PCCB: variants seen among roughly 807,000 people sequenced by gnomAD.
PCCB encodes propionyl-CoA carboxylase subunit beta.
Under a neutral mutation model 60.7 loss-of-function variants are expected in PCCB, and 43 were observed. That is an observed-to-expected ratio of 0.71 (90% confidence interval 0.55 to 0.91). The LOEUF is 0.91. PCCB is among the 40% of genes least tolerant of loss of function. PCCB has a pLI of 0.00. For synonymous variants in PCCB, 276 were observed against 255.9 expected, an observed-to-expected ratio of 1.08 and a Z score of -0.75; for missense variants, 766 against 702.8, an observed-to-expected ratio of 1.09 and a Z score of -1.02.
At chr3:136,310,414 T>C (rs1934618149) in intron 9 of PCCB, among the ~76,000 whole-genome samples, 1 of 150,748 alleles carries the variant, frequency 6.6e-6, no homozygotes, top group Admixed American at 6.6e-5. Context: ...TCCCAGCTAC[T>C]GGGGAGGCCA....
Position 136,327,685 on chromosome 3 carries a change from A to G in PCCB, c.1351A>G (p.Thr451Ala). The G allele has an allele frequency of 1.2e-6, 2 of 1,614,006 alleles. No homozygotes were observed. The highest frequency in any genetic ancestry group is 1.1e-5 in the South Asian group (1 of 91,072). ...VMSSKHLCGD[T>A]NYAWPTAEIA... Reference sequence around the variant, plus strand: ...GAGCTCTAAGCACCTTTGTGGTGATACCAACTATGCCTGGCCCACCGCAGA... The same window carrying G: ...GAGCTCTAAGCACCTTTGTGGTGATGCCAACTATGCCTGGCCCACCGCAGA... Residue 451 changes from threonine to alanine, a missense_variant, in exon 13 of 15, where the codon ACC (threonine) becomes GCC (alanine). By Grantham distance (58) the Thr-to-Ala change is moderately conservative (BLOSUM62 0). Coordinates refer to ENST00000251654, the MANE Select transcript of PCCB (RefSeq NM_000532.5).
chr3:136,252,662 ATTTTTTTTTT>A (rs962722858), intron 1 of PCCB, among the ~76,000 whole-genome samples: 1 of 120,910 alleles, frequency 8.3e-6, no homozygotes, highest in African/African-American at 3.2e-5. Flanking sequence ...TACCCAGCTA[ATTTTTTTTTT>A]TTTTTTTTTT....
At chr3:136,317,208 G>C in intron 10 of PCCB, 144 bp downstream of exon 10, 40 of 316,998 alleles carry the variant, frequency 1.3e-4, no homozygotes, top group East Asian at 9.4e-4. Flanking sequence ...TGTTATAAAA[G>C]CTAATTTTTT....
At chr3:136,327,367 C>T (rs1036507713) in intron 12 of PCCB, 112 bp downstream of exon 12, 5 of 824,144 alleles carry the variant, frequency 6.1e-6, no homozygotes, top group Admixed American at 2.0e-5. Flanking sequence ...CTTGCTCATC[C>T]TTAAAAAGAT....
intron 10 of PCCB, among the ~76,000 whole-genome samples, chr3:136,325,778 A>C (rs1229123820): frequency 1.3e-5 from 2 of 152,174 alleles, no homozygotes; most frequent in Non-Finnish European, 2.9e-5. Context: ...GCTGAAATCA[A>C]CCTTGAATTC....
At chr3:136,291,259 C>T (rs1401460109) in intron 6 of PCCB, among the ~76,000 whole-genome samples, 2 of 152,118 alleles carry the variant, frequency 1.3e-5, no homozygotes, top group Non-Finnish European at 2.9e-5. Context: ...AGACACATGC[C>T]ATTACACCTG....
intron 2 of PCCB, 136 bp downstream of exon 2, chr3:136,256,111 T>C: frequency 7.5e-7 from 1 of 1,333,708 alleles, no homozygotes; most frequent in Non-Finnish European, 1.0e-6. Flanking sequence ...CCCAGATAAT[T>C]TTTGTATTTT....
At chr3:136,311,260 C>T (rs1934656981) in intron 9 of PCCB, among the ~76,000 whole-genome samples, 1 of 152,072 alleles carries the variant, frequency 6.6e-6, no homozygotes, top group Admixed American at 6.6e-5. Flanking sequence ...AAGCAGTAAC[C>T]AATTATGGTA....
chr3:136,326,877 A>G lies in PCCB; in HGVS notation c.1165A>G (p.Ile389Val), dbSNP rs773056459. 1.2e-6 allele frequency: 2 copies of G among 1,612,932 alleles called. No individual in the cohort carries two copies. Among genetic ancestry groups the G allele is most frequent in the Non-Finnish European group, 1.7e-6 (2 of 1,178,920 alleles). The change falls in exon 11 of 15, where the codon ATC becomes GTC. Residue 389 changes from isoleucine to valine, a missense_variant. Transcript: ENST00000251654. The stretch of plus-strand genomic sequence containing the variant: ...CTGTGATGCATTCAATATTCCACTC[A>G]TCACTTTTGTTGATGTCCCTGGCTT... ...RFCDAFNIPL[I>V]TFVDVPGFLP...
rs78856847 is a variant in PCCB at position 136,300,939 on chromosome 3, C to T, written c.885-91C>T. The T allele has an allele frequency of 1.9e-4, 168 of 886,476 alleles. 1 individual carries two copies. The African/African-American group carries it at 2.2e-3, about 12-fold the overall frequency. The allele number at this position is 886,476 out of a possible 1,614,324, so 54.9% of individuals were successfully genotyped here. A position where few individuals can be genotyped will look rare whatever the true frequency, so the allele number is the denominator to read the frequency against. On this transcript the variant is annotated intron_variant, in intron 8 of 14. Coordinates refer to ENST00000251654, the MANE Select transcript of PCCB (RefSeq NM_000532.5). Reference sequence around the variant, plus strand: ...GACAGAACTGGCCCAGTCCCTATGACGTGTCACCCCATTTCCTTTCCCACC... The same window carrying T: ...GACAGAACTGGCCCAGTCCCTATGATGTGTCACCCCATTTCCTTTCCCACC...
At chr3:136,318,955 G>A (rs1935011182) in intron 10 of PCCB, among the ~76,000 whole-genome samples, 1 of 152,074 alleles carries the variant, frequency 6.6e-6, no homozygotes, top group African/African-American at 2.4e-5. Flanking sequence ...TGGGTTATGT[G>A]GTAATTCTAG....
chr3:136,319,460 G>C (rs112650535), intron 10 of PCCB, among the ~76,000 whole-genome samples: 1 of 150,694 alleles, frequency 6.6e-6, no homozygotes, highest in African/African-American at 2.5e-5. Context: ...GCAATGGTAC[G>C]ATCTCGGCTT....
intron 3 of PCCB, among the ~76,000 whole-genome samples, chr3:136,256,923 G>T (rs758825129): frequency 6.6e-6 from 1 of 152,126 alleles, no homozygotes; most frequent in Non-Finnish European, 1.5e-5. Flanking sequence ...GTGCCTGTAG[G>T]GCATCTGTGT....
chr3:136,315,381 A>G (rs915639312), intron 9 of PCCB, among the ~76,000 whole-genome samples: 2 of 152,168 alleles, frequency 1.3e-5, no homozygotes, highest in African/African-American at 4.8e-5. Context: ...ATACAAAAAA[A>G]TTAGCTGGGC....
intron 10 of PCCB, among the ~76,000 whole-genome samples, chr3:136,324,532 G>A (rs956458645): frequency 6.6e-6 from 1 of 151,644 alleles, no homozygotes; most frequent in Non-Finnish European, 1.5e-5. Flanking sequence ...GCATACATGT[G>A]TCTTTCTGAA....
intron 1 of PCCB, among the ~76,000 whole-genome samples, chr3:136,253,082 GTTTTTTT>G (rs59099393): frequency 7.0e-5 from 5 of 71,500 alleles, no homozygotes; most frequent in Non-Finnish European, 9.7e-5. Context: ...AGCAATGGAG[GTTTTTTT>G]TTTTTTTTTT....
intron 9 of PCCB, among the ~76,000 whole-genome samples, chr3:136,315,550 A>G (rs1205038784): frequency 1.3e-5 from 2 of 151,378 alleles, no homozygotes; most frequent in African/African-American, 4.9e-5. Flanking sequence ...AAAATTGTGA[A>G]TTGGGCACAG....
intron 10 of PCCB, among the ~76,000 whole-genome samples, chr3:136,320,637 A>G (rs1300162733): frequency 6.6e-6 from 1 of 152,170 alleles, no homozygotes; most frequent in Admixed American, 6.5e-5. Flanking sequence ...ATCTGTGGAC[A>G]TGGGGTATTT....
rs1334940482 is a variant in PCCB at position 136,330,063 on chromosome 3, T to C, written c.*37T>C. 5 of 1,613,426 alleles carry C rather than the reference T, an allele frequency of 3.1e-6. No homozygotes were observed. The Admixed American group carries it at 6.7e-5, about 22-fold the overall frequency. On this transcript the variant is annotated 3_prime_UTR_variant, in exon 15 of 15. Transcript: ENST00000251654. ...GAAAAGAAACCAAGAACTGAATTAC[T>C]GTCTGCCCATTCACATCCCATTCCT...
Sources: gnomAD v4.1 joint callset for allele counts (sites outside exome capture counted in the v4.1 genomes callset) on GRCh38, gnomAD v4.1.1 for gene constraint, MANE v1.5 for transcripts, NCBI Gene and HGNC (gene_info 2026-07-23, HGNC 2026-07-21) for gene names.